LDB3: variants seen among roughly 807,000 people sequenced by gnomAD.
LDB3 encodes the protein LIM domain-binding protein 3.
A neutral mutation model predicts 69.0 loss-of-function variants in LDB3; 49 were observed. The observed-to-expected ratio is 0.71, with a 90% CI of 0.56 to 0.90. The LOEUF (loss-of-function observed/expected upper bound fraction) is 0.90. LDB3 is among the 40% of genes least tolerant of loss of function. LDB3 has a pLI of 0.00. For missense variants in LDB3, 928 were observed against 974.1 expected, an observed-to-expected ratio of 0.95 and a Z score of 0.63; for synonymous variants, 387 against 396.2, an observed-to-expected ratio of 0.98 and a Z score of 0.28.
intron 2 of LDB3, 147 bp from the exon 3 acceptor site, chr10:86,679,220 T>G: frequency 2.1e-6 from 2 of 936,390 alleles, no homozygotes; most frequent in Non-Finnish European, 1.7e-6. Flanking sequence ...GGAACTAGGC[T>G]TGGTTAGCAG....
intron 13 of LDB3, among the ~76,000 whole-genome samples, chr10:86,729,167 A>G (rs1847372529): frequency 2.6e-5 from 4 of 152,232 alleles, no homozygotes; most frequent in African/African-American, 9.6e-5. Context: ...AGAGTGTTCC[A>G]GAACAAGTCT....
At chr10:86,722,559 CTTTTTTTTTTTTTT>C (rs1181539611) in intron 12 of LDB3, among the ~76,000 whole-genome samples, 1 of 55,226 alleles carries the variant, frequency 1.8e-5, no homozygotes, top group Admixed American at 3.1e-4. Flanking sequence ...CGTGCCTGGC[CTTTTTTTTTTTTTT>C]TTTTTTTTTT....
At chr10:86,667,199 G>A (rs1844216974), upstream of LDB3, among the ~76,000 whole-genome samples, 1 of 152,264 alleles carries the variant, frequency 6.6e-6, no homozygotes, top group Middle Eastern at 3.4e-3. Flanking sequence ...TAATATGGGT[G>A]ATCCTACCTT....
intron 5 of LDB3, among the ~76,000 whole-genome samples, chr10:86,688,126 C>T (rs1012648088): frequency 2.9e-5 from 4 of 138,866 alleles, no homozygotes; most frequent in Non-Finnish European, 6.1e-5. Context: ...CACACATACA[C>T]ATAATTCCTC....
chr10:86,673,551 G>A (rs935507881), intron 2 of LDB3, among the ~76,000 whole-genome samples: 1 of 152,136 alleles, frequency 6.6e-6, no homozygotes, highest in Non-Finnish European at 1.5e-5. Flanking sequence ...GAGTTGGGGA[G>A]TGGGACCATG....
Position 86,681,620 on chromosome 10 carries a change from G to A in LDB3, c.506G>A (p.Arg169Lys). The change falls in exon 5 of 14, where the codon AGG (arginine) becomes AAG (lysine). Residue 169 changes from arginine (R) to lysine (K), a missense_variant. Transcript: ENST00000361373. ...SDPGPPRASL[R>K]AKTSPEGARD... ...CCTGGCCCTCCGCGGGCCAGCCTGA[G>A]GGCCAAGACCAGCCCAGAGGGGGCC... 1 of 1,613,120 alleles carries A rather than the reference G, an allele frequency of 6.2e-7. No individual in the cohort carries two copies. The highest frequency in any genetic ancestry group is 8.5e-7 in the Non-Finnish European group (1 of 1,179,800).
intron 13 of LDB3, 74 bp downstream of exon 13, chr10:86,726,326 C>G: frequency 3.6e-6 from 4 of 1,103,376 alleles, no homozygotes; most frequent in Non-Finnish European, 5.5e-6. Context: ...GATGACCAAC[C>G]TCTACATACC....
chr10:86,704,577 A>ATTTT (rs59411676), intron 7 of LDB3, among the ~76,000 whole-genome samples: 2 of 111,532 alleles, frequency 1.8e-5, no homozygotes, highest in East Asian at 2.6e-4. Context: ...GCCCAGCTAA[A>ATTTT]TTTTTTTTTT....
intron 12 of LDB3, among the ~76,000 whole-genome samples, chr10:86,724,798 G>A (rs138322122): frequency 8.5e-4 from 130 of 152,166 alleles, no homozygotes; most frequent in African/African-American, 3.1e-3. Context: ...TTGAGTGTTT[G>A]TGCCAAATAC....
intron 5 of LDB3, among the ~76,000 whole-genome samples, chr10:86,685,959 G>A (rs1845445147): frequency 6.6e-6 from 1 of 152,104 alleles, no homozygotes; most frequent in African/African-American, 2.4e-5. Context: ...CTTAAGATGT[G>A]CCTGGGGTTG....
Position 86,668,513 on chromosome 10 carries a change from T to G in LDB3, c.-81T>G, listed in dbSNP as rs976771104. 1.2e-5 allele frequency: 8 copies of G among 689,164 alleles called. No homozygotes were observed. The highest frequency in any genetic ancestry group is 1.1e-4 in the African/African-American group (6 of 56,916). 42.7% of individuals were successfully genotyped at this position (689,164 alleles called of 1,614,324 possible). On this transcript the variant is annotated 5_prime_UTR_variant, in exon 1 of 14. The change creates a new upstream start codon in the 5' untranslated region. Coordinates refer to ENST00000361373, the MANE Select transcript of LDB3 (RefSeq NM_007078.3). ...GTCGATGGCATTCGCTCCCAGCTAT[T>G]CTTAGGAGCCTCTCAAGAGCTCCAC...
Position 86,699,161 on chromosome 10 carries a change from A to T in LDB3, c.896+6590A>T. The T allele has an allele frequency of 8.1e-7, 1 of 1,234,196 alleles. No individual in the cohort carries two copies. Among genetic ancestry groups the T allele is most frequent in the Non-Finnish European group, 1.2e-6 (1 of 848,948 alleles). The allele number at this position is 1,234,196 out of a possible 1,614,324, so 76.5% of individuals were successfully genotyped here. A position where few individuals can be genotyped will look rare whatever the true frequency, so the allele number is the denominator to read the frequency against. On this transcript the variant is annotated intron_variant, in intron 7 of 13. Coordinates refer to ENST00000361373, the MANE Select transcript of LDB3 (RefSeq NM_007078.3). The surrounding 1 kb of genome is among the most constrained non-coding windows in gnomAD (Gnocchi z 4.9). Reference sequence around the variant, plus strand: ...TCCCATGCCCTCTGCCCCACCTGTTAGACAGGGGAATGGTGAACACATTCC... The same window carrying T: ...TCCCATGCCCTCTGCCCCACCTGTTTGACAGGGGAATGGTGAACACATTCC...
chr10:86,707,998 C>G (rs1165243893), intron 8 of LDB3, among the ~76,000 whole-genome samples: 1 of 152,226 alleles, frequency 6.6e-6, no homozygotes, highest in Non-Finnish European at 1.5e-5. Flanking sequence ...AGAAGCCTCC[C>G]AATATGAATG....
intron 9 of LDB3, among the ~76,000 whole-genome samples, chr10:86,713,847 G>A (rs1205567772): frequency 1.3e-5 from 2 of 152,210 alleles, no homozygotes; most frequent in African/African-American, 4.8e-5. Flanking sequence ...CAGGCAGGGT[G>A]TCAGGCATTC....
intron 2 of LDB3, among the ~76,000 whole-genome samples, chr10:86,670,418 C>G (rs1014343497): frequency 3.3e-5 from 5 of 152,128 alleles, no homozygotes; most frequent in African/African-American, 1.2e-4. Flanking sequence ...CTCTCATGGG[C>G]CCTGTGGCCT....
At chr10:86,688,824 G>A (rs892827357) in intron 5 of LDB3, among the ~76,000 whole-genome samples, 12 of 152,156 alleles carry the variant, frequency 7.9e-5, no homozygotes, top group Non-Finnish European at 1.6e-4. Context: ...TTTTCTGCAC[G>A]TTGGGAAGAC....
rs529073790 is a variant in LDB3, at chr10:86,687,298, A to AGAGC, written c.690-4598_690-4597insGAGC. ...GTAAGCGCCTCCCTCCTCCACCGCC[A>AGAGC]CTCAGTGCCTCCAGAGCCCGAGGGG... is the stretch of plus-strand genomic sequence containing the variant. On this transcript the variant is annotated intron_variant, in intron 5 of 13. Transcript: ENST00000361373. 7.8e-4 allele frequency: 1,258 copies of AGAGC among 1,608,494 alleles called. 22 individuals are homozygous for AGAGC. In the East Asian group the frequency reaches 0.024, roughly 31 times the overall value.
At chr10:86,732,522 TAGAC>T (rs1847504515) in intron 13 of LDB3, 6 of 456,842 alleles carry the variant, frequency 1.3e-5, no homozygotes, top group Non-Finnish European at 2.6e-5. Flanking sequence ...TTGTTTGCTT[TAGAC>T]AGTCTTGCTA....
chr10:86,727,169 T>C (rs1847283092), intron 13 of LDB3, among the ~76,000 whole-genome samples: 1 of 152,046 alleles, frequency 6.6e-6, no homozygotes, highest in South Asian at 2.1e-4. Context: ...TACAGGCACA[T>C]GCCACCATGC....
Sources: gnomAD v4.1 joint callset for allele counts (sites outside exome capture counted in the v4.1 genomes callset) on GRCh38, gnomAD v4.1.1 for gene constraint, Gnocchi (gnomAD v3.1) non-coding constraint, MANE v1.5 for transcripts, NCBI Gene and HGNC (gene_info 2026-07-23, HGNC 2026-07-21) for gene names.